Variants in SLCO3A1 observed in about 807,000 individuals in gnomAD.
SLCO3A1 encodes the protein PGE1 transporter.
SLCO3A1 carries 27 observed loss-of-function variants against 63.1 expected under a neutral mutation model. The observed-to-expected ratio is 0.43, with a 90% CI of 0.32 to 0.59. The LOEUF (loss-of-function observed/expected upper bound fraction) is 0.59, where lower values mean the gene tolerates loss of function less well. SLCO3A1 is among the 20% of genes least tolerant of loss of function. The pLI is 0.09. For missense variants in SLCO3A1, 773 were observed against 945.8 expected (o/e 0.82, Z 2.40); for synonymous variants, 473 against 409.9 (o/e 1.15, Z -1.86).
Position 92,147,266 on chromosome 15 carries a change from A to G in SLCO3A1, c.1688+107A>G. 1.8e-6 allele frequency: 2 copies of G among 1,130,994 alleles called. 1 individual carries two copies. The highest frequency in any genetic ancestry group is 3.0e-5 in the South Asian group (2 of 65,946). 70.1% of individuals were successfully genotyped at this position (1,130,994 alleles called of 1,614,324 possible). A position where few individuals can be genotyped will look rare whatever the true frequency, so the allele number is the denominator to read the frequency against. ...CAACAGGAATCTCTCGAACCAGGTG[A>G]GCTAGGGCCACAGCAAGGAGCGCAG... is the stretch of plus-strand genomic sequence containing the variant. On this transcript the variant is annotated intron_variant, in intron 8 of 9. Coordinates refer to ENST00000318445, the MANE Select transcript of SLCO3A1 (RefSeq NM_013272.4).
chr15:92,129,796 A>G (rs1031146684), intron 7 of SLCO3A1, among the ~76,000 whole-genome samples: 2 of 123,250 alleles, frequency 1.6e-5, no homozygotes, highest in African/African-American at 6.4e-5. Flanking sequence ...ATTTTCAAAG[A>G]TTTCATTTTT....
chr15:92,046,834 T>G (rs989412070), intron 2 of SLCO3A1, among the ~76,000 whole-genome samples: 1 of 149,924 alleles, frequency 6.7e-6, no homozygotes, highest in Non-Finnish European at 1.5e-5. Context: ...CTGTCTTCTT[T>G]AGGCAGGTGT....
chr15:92,127,937 G>A (rs1194803925), intron 6 of SLCO3A1, among the ~76,000 whole-genome samples: 1 of 151,804 alleles, frequency 6.6e-6, no homozygotes, highest in East Asian at 1.9e-4. Flanking sequence ...TTCAGGACAG[G>A]GGGATAAGCT....
intron 1 of SLCO3A1, among the ~76,000 whole-genome samples, chr15:91,887,523 C>T (rs1897756612): frequency 6.6e-6 from 1 of 152,226 alleles, no homozygotes; most frequent in Non-Finnish European, 1.5e-5. Context: ...AAACAATGCT[C>T]ATTTTCATTG....
At chr15:91,877,375 C>T (rs535269789) in intron 1 of SLCO3A1, among the ~76,000 whole-genome samples, 2 of 152,256 alleles carry the variant, frequency 1.3e-5, no homozygotes, top group African/African-American at 4.8e-5. Context: ...TAATTCAAGA[C>T]CTATTTATTG....
chr15:92,165,365 C>T lies in SLCO3A1; in HGVS notation c.*2230C>T. 1.0e-6 allele frequency: 1 copy of T among 985,086 alleles called. No homozygotes were observed. The allele number at this position is 985,086 out of a possible 1,614,324, so 61.0% of individuals were successfully genotyped here. Reference sequence around the variant, plus strand: ...GTTGTTCCTAAGGCTTTGATAATATCCTGTACAGATTTTGGTTTAGTTTTG... The same window carrying T: ...GTTGTTCCTAAGGCTTTGATAATATTCTGTACAGATTTTGGTTTAGTTTTG... On this transcript the variant is annotated 3_prime_UTR_variant, in exon 10 of 10. Coordinates refer to ENST00000318445, the MANE Select transcript of SLCO3A1 (RefSeq NM_013272.4).
chr15:92,063,068 A>G (rs2047106278), intron 2 of SLCO3A1, among the ~76,000 whole-genome samples: 1 of 152,224 alleles, frequency 6.6e-6, no homozygotes. Context: ...AGCTCAGAAT[A>G]ACGCCTTAAG....
chr15:92,051,576 G>T (rs946167937), intron 2 of SLCO3A1, among the ~76,000 whole-genome samples: 1 of 152,120 alleles, frequency 6.6e-6, no homozygotes, highest in Non-Finnish European at 1.5e-5. Context: ...GAGAGGGAGG[G>T]AGAGTGTGCT....
chr15:92,003,775 C>G (rs895118747), intron 2 of SLCO3A1, among the ~76,000 whole-genome samples: 1 of 152,206 alleles, frequency 6.6e-6, no homozygotes, highest in Non-Finnish European at 1.5e-5. Context: ...ACATGCACCA[C>G]CAGCCAGAAG....
intron 2 of SLCO3A1, among the ~76,000 whole-genome samples, chr15:91,928,056 T>C (rs1480314454): frequency 6.6e-6 from 1 of 152,246 alleles, no homozygotes; most frequent in Admixed American, 6.5e-5. Context: ...AGGCAGTACA[T>C]AGAGGAAAAT....
At position 92,031,087 on chromosome 15, in the gene SLCO3A1, T is replaced by G. The variant is rs1401638191; in HGVS notation, c.647-63794T>G. Among the ~76,000 whole-genome samples, 5 of 152,090 alleles carry G rather than the reference T, an allele frequency of 3.3e-5. No homozygotes were observed. In the East Asian group the frequency reaches 9.7e-4, roughly 29 times the overall value. ...TCAATGTTGCCAATGTCTGCTATGC[T>G]TTTAAAGAAATGTTCTGCACGCATT... On this transcript the variant is annotated intron_variant, in intron 2 of 9. Coordinates refer to ENST00000318445, the MANE Select transcript of SLCO3A1 (RefSeq NM_013272.4).
chr15:91,878,468 T>C (rs542691031), intron 1 of SLCO3A1, among the ~76,000 whole-genome samples: 1 of 152,278 alleles, frequency 6.6e-6, no homozygotes, highest in East Asian at 1.9e-4. Context: ...AATTAGCTCA[T>C]GGACTGTTTG....
intron 2 of SLCO3A1, among the ~76,000 whole-genome samples, chr15:91,997,546 C>T (rs181702387): frequency 2.5e-3 from 384 of 152,214 alleles, no homozygotes; most frequent in Non-Finnish European, 4.4e-3. Flanking sequence ...CCTGAATAGC[C>T]AAAGCAATCC....
chr15:91,907,832 A>G lies in SLCO3A1; in HGVS notation c.181-8161A>G, dbSNP rs149727944. On this transcript the variant is annotated intron_variant, in intron 1 of 9. Coordinates refer to ENST00000318445, the MANE Select transcript of SLCO3A1 (RefSeq NM_013272.4). ...TGAGTCACCGTGCCCAGCTCCAATG[A>G]AGCCTTTCTAAGGAAAGCCAGGCCG... 4.8e-3 allele frequency among the ~76,000 whole-genome samples: 732 copies of G among 152,234 alleles called. 2 individuals are homozygous for G. Among genetic ancestry groups the G allele is most frequent in the Non-Finnish European group, 8.7e-3 (594 of 68,010 alleles).
intron 2 of SLCO3A1, among the ~76,000 whole-genome samples, chr15:92,082,953 A>T (rs2047364458): frequency 6.6e-6 from 1 of 152,222 alleles, no homozygotes; most frequent in Admixed American, 6.5e-5. Flanking sequence ...CATCTACAAA[A>T]AGAGTCTCAT....
chr15:91,861,710 A>G (rs978749339), intron 1 of SLCO3A1, among the ~76,000 whole-genome samples: 1 of 151,882 alleles, frequency 6.6e-6, no homozygotes, highest in South Asian at 2.1e-4. Context: ...TCACAGCTTG[A>G]CGTCCCAGGC....
chr15:92,117,139 G>T (rs2047805094), intron 4 of SLCO3A1, among the ~76,000 whole-genome samples: 7 of 152,222 alleles, frequency 4.6e-5, no homozygotes, highest in Admixed American at 4.6e-4. Context: ...ATTAACCGGA[G>T]TTGCCTTTGT....
chr15:92,071,188 T>TG (rs1424558517), intron 2 of SLCO3A1, among the ~76,000 whole-genome samples: 1 of 152,116 alleles, frequency 6.6e-6, no homozygotes, highest in Admixed American at 6.5e-5. Flanking sequence ...AATACCCTCC[T>TG]GGGGGCACGT....
At chr15:92,124,360 A>G (rs868047496) in intron 5 of SLCO3A1, among the ~76,000 whole-genome samples, 2 of 152,274 alleles carry the variant, frequency 1.3e-5, no homozygotes, top group South Asian at 4.2e-4. Flanking sequence ...GGCTTGGAGA[A>G]AAGGTGTGAA....
Sources: allele counts gnomAD v4.1 joint callset (sites outside exome capture counted in the v4.1 genomes callset), GRCh38; gene constraint gnomAD v4.1.1; transcripts MANE v1.5; gene names NCBI Gene and HGNC (gene_info 2026-07-23, HGNC 2026-07-21).